The following NAPB variants were observed in gnomAD, a reference collection of about 807,000 sequenced individuals.
NAPB encodes NSF attachment protein beta.
A neutral mutation model predicts 44.7 loss-of-function variants in NAPB; 26 were observed. The ratio of observed to expected loss-of-function variants is 0.58; its 90% CI spans 0.43 to 0.81. The LOEUF is 0.81. NAPB is among the 30% of genes least tolerant of loss of function. The pLI is 0.00. For synonymous variants in NAPB, 120 were observed against 116.8 expected, an observed-to-expected ratio of 1.03 and a Z score of -0.18; for missense variants, 315 against 356.4, an observed-to-expected ratio of 0.88 and a Z score of 0.94.
chr20:23,388,848 A>T (rs1383226784), intron 7 of NAPB, among the ~76,000 whole-genome samples: 3 of 152,148 alleles, frequency 2.0e-5, no homozygotes, highest in African/African-American at 7.2e-5. Context: ...AGATTTAGCG[A>T]TGATTTCTTC....
At chr20:23,388,832 C>CACG (rs1568607292) in intron 7 of NAPB, among the ~76,000 whole-genome samples, 1 of 151,480 alleles carries the variant, frequency 6.6e-6, no homozygotes, top group Admixed American at 6.6e-5. Flanking sequence ...GGAAAAGCCT[C>CACG]ATATCAGATT....
chr20:23,401,462 C>CA (rs1984837565), intron 2 of NAPB, among the ~76,000 whole-genome samples: 1 of 152,160 alleles, frequency 6.6e-6, no homozygotes. Context: ...GCTAGAGCAT[C>CA]ACCCCAGGCA....
Position 23,397,151 on chromosome 20 carries a change from G to A in NAPB, c.216C>T (p.His72=), listed in dbSNP as rs1351783503. Residue 72 remains histidine (H), a synonymous_variant, in exon 3 of 11, where the codon CAC becomes CAT. Coordinates refer to ENST00000377026, the MANE Select transcript of NAPB (RefSeq NM_022080.3). ...GNAFCQAAKL[H]MQLQSKHDSA... ...AGTCATGTTTGCTCTGAAGCTGCAT[G>A]TGGAGCTTGGCTGCCTGACAAAATG... 8 of 1,613,112 alleles carry A rather than the reference G, an allele frequency of 5.0e-6. No homozygotes were observed. Among genetic ancestry groups the A allele is most frequent in the African/African-American group, 1.3e-5 (1 of 74,910 alleles).
At chr20:23,409,821 T>G (rs1479517271) in intron 1 of NAPB, among the ~76,000 whole-genome samples, 1 of 152,162 alleles carries the variant, frequency 6.6e-6, no homozygotes, top group Admixed American at 6.5e-5. Flanking sequence ...TTAAATATAA[T>G]TTAGGAAATA....
chr20:23,419,922 T>C (rs1407444657), intron 1 of NAPB, among the ~76,000 whole-genome samples: 2 of 152,202 alleles, frequency 1.3e-5, no homozygotes, highest in African/African-American at 4.8e-5. Context: ...TAAAGTATTA[T>C]AATTTATAGC....
At chr20:23,401,779 G>A (rs996375530) in intron 2 of NAPB, among the ~76,000 whole-genome samples, 1 of 152,170 alleles carries the variant, frequency 6.6e-6, no homozygotes, top group Non-Finnish European at 1.5e-5. Flanking sequence ...TACGAGGGAG[G>A]CTGAGGCATA....
chr20:23,397,296 C>G, intron 2 of NAPB, 108 bp from the exon 3 acceptor site: 1 of 1,324,616 alleles, frequency 7.5e-7, no homozygotes, highest in Non-Finnish European at 1.0e-6. Flanking sequence ...TGAAAAGAAG[C>G]ATTCTAGTCA....
At chr20:23,381,393 C>A in intron 7 of NAPB, 76 bp from the exon 8 acceptor site, 1 of 860,228 alleles carries the variant, frequency 1.2e-6, no homozygotes, top group Non-Finnish European at 1.8e-6. Context: ...ATCTGTTGTC[C>A]TTTAGAAAAT....
intron 1 of NAPB, among the ~76,000 whole-genome samples, chr20:23,417,748 C>T (rs1209999190): frequency 6.6e-6 from 1 of 151,980 alleles, no homozygotes; most frequent in African/African-American, 2.4e-5. Flanking sequence ...CACAAACCAC[C>T]ACAACAGTGG....
chr20:23,377,437 A>G lies in NAPB; in HGVS notation c.836T>C (p.Met279Thr), dbSNP rs1380942837. 1 of 1,608,082 alleles carries G rather than the reference A, an allele frequency of 6.2e-7. No homozygotes were observed. The highest frequency in any genetic ancestry group is 8.5e-7 in the Non-Finnish European group (1 of 1,176,000). Residue 279 changes from methionine (M) to threonine (T), a missense_variant, in exon 11 of 11, where the codon ATG becomes ACG. This residue lies in a region of NAPB where 120 missense variants were observed against 130.5 expected (regional missense o/e 0.92). Coordinates refer to ENST00000377026, the MANE Select transcript of NAPB (RefSeq NM_022080.3). The stretch of plus-strand genomic sequence containing the variant: ...GATGGACTTTTTGATGCGAAGCAAC[A>G]TGGTGGTCAGCCACTGATCCAAGCG... ...ISRLDQWLTT[M>T]LLRIKKSIQG...
In NAPB at chr20:23,396,145, T is replaced by A. The variant is rs959944477; in HGVS notation, c.295+927A>T. Among the ~76,000 whole-genome samples the A allele has an allele frequency of 5.3e-5, 8 of 152,240 alleles. No homozygotes were observed. The South Asian group carries it at 1.0e-3, about 20-fold the overall frequency. ...ACAAACTTTTTTCTGAAAATGAGAT[T>A]ATACAACATTCAGTCTCATGTGCTT... On this transcript the variant is annotated intron_variant, in intron 3 of 10. Transcript: ENST00000377026.
chr20:23,384,569 C>T (rs960209724), intron 7 of NAPB, among the ~76,000 whole-genome samples: 2 of 151,646 alleles, frequency 1.3e-5, no homozygotes, highest in East Asian at 3.9e-4. Flanking sequence ...CTGCAGTGAG[C>T]CAGGGTCGCA....
chr20:23,381,486 C>T (rs142590448), intron 7 of NAPB, among the ~76,000 whole-genome samples, 169 bp from the exon 8 acceptor site: 1,608 of 152,264 alleles, frequency 0.011, 27 homozygotes, highest in African/African-American at 0.036. Flanking sequence ...CTAGACAAGA[C>T]CATTAAATAC....
chr20:23,421,233 G>T, intron 1 of NAPB, 72 bp downstream of exon 1: 2 of 1,342,218 alleles, frequency 1.5e-6, no homozygotes, highest in Non-Finnish European at 2.0e-6. Context: ...GGACTCGGGG[G>T]GTCAGCCTGA....
intron 10 of NAPB, 116 bp from the exon 11 acceptor site, chr20:23,377,602 C>A: frequency 2.2e-6 from 1 of 454,742 alleles, no homozygotes; most frequent in South Asian, 8.9e-5. Context: ...CTTTCTTCAT[C>A]ATTTGAAATT....
intron 1 of NAPB, among the ~76,000 whole-genome samples, chr20:23,413,308 C>T (rs1184054289): frequency 6.6e-6 from 1 of 151,474 alleles, no homozygotes; most frequent in Admixed American, 6.6e-5. Flanking sequence ...CAATAAAAGC[C>T]TCTTGCAACA....
At chr20:23,420,817 C>G (rs993213674) in intron 1 of NAPB, among the ~76,000 whole-genome samples, 23 of 151,296 alleles carry the variant, frequency 1.5e-4, no homozygotes, top group African/African-American at 5.3e-4. Context: ...CAGCCCCCCC[C>G]CCAGAGTGTT....
At chr20:23,398,107 G>A (rs1984510109) in intron 2 of NAPB, among the ~76,000 whole-genome samples, 1 of 152,170 alleles carries the variant, frequency 6.6e-6, no homozygotes, top group Non-Finnish European at 1.5e-5. Context: ...GCTGCATCAG[G>A]CCACTTCCCA....
At chr20:23,411,754 A>C (rs1985672299) in intron 1 of NAPB, among the ~76,000 whole-genome samples, 1 of 152,198 alleles carries the variant, frequency 6.6e-6, no homozygotes, top group Non-Finnish European at 1.5e-5. Context: ...AAGGAAAAGG[A>C]GCTAAGGATA....
Sources: allele counts gnomAD v4.1 joint callset (sites outside exome capture counted in the v4.1 genomes callset), GRCh38; gene constraint gnomAD v4.1.1; regional missense constraint gnomAD v4.1.1; transcripts MANE v1.5; gene names NCBI Gene and HGNC (gene_info 2026-07-23, HGNC 2026-07-21).